PSD: variants seen among roughly 807,000 people sequenced by gnomAD.
PSD encodes pleckstrin and Sec7 domain containing, also known as PH and SEC7 domain-containing protein 1.
PSD carries 32 observed loss-of-function variants against 91.6 expected under a neutral mutation model. The ratio of observed to expected loss-of-function variants is 0.35; its 90% CI spans 0.26 to 0.47. The LOEUF is 0.47. Ranked by LOEUF, PSD falls within the 20% of genes least tolerant of loss-of-function variation. The probability of loss-of-function intolerance (pLI) is 1.00; values close to 1 mark genes in which losing one functional copy is unlikely to be tolerated. For synonymous variants in PSD, 532 were observed against 569.3 expected, an observed-to-expected ratio of 0.93 and a Z score of 0.93; for missense variants, 1,099 against 1,373.9, an observed-to-expected ratio of 0.80 and a Z score of 3.16.
intron 7 of PSD, 141 bp from the exon 8 acceptor site, chr10:102,411,960 C>T (rs2061429493): frequency 5.5e-6 from 5 of 909,294 alleles, no homozygotes; most frequent in Non-Finnish European, 9.0e-6. Flanking sequence ...CACCCTGACC[C>T]TCCACCCATC....
Position 102,405,326 on chromosome 10 carries a change from C to T in PSD, c.2326+20G>A, listed in dbSNP as rs775278828. The T allele has an allele frequency of 1.9e-6, 3 of 1,608,256 alleles. 1 individual carries two copies. The highest frequency in any genetic ancestry group is 3.3e-4 in the Middle Eastern group (2 of 6,056). ...CCATCCATCCCCTAGACGCCCGCCC[C>T]CCGCAACTCGGCCACATACTCTTCC... On this transcript the variant is annotated intron_variant, in intron 12 of 16. Coordinates refer to ENST00000020673, the MANE Select transcript of PSD (RefSeq NM_002779.5). The surrounding 1 kb of genome is among the most constrained non-coding windows in gnomAD (Gnocchi z 5.4).
chr10:102,413,661 AGG>A (rs2061445574), intron 5 of PSD, 106 bp downstream of exon 5: 2 of 1,171,618 alleles, frequency 1.7e-6, no homozygotes, highest in East Asian at 4.8e-5. Flanking sequence ...ACCCCTACTC[AGG>A]GGTCAGGAAT....
At chr10:102,411,154 A>AGGG in intron 8 of PSD, 38 bp from the exon 9 acceptor site, 1 of 1,567,324 alleles carries the variant, frequency 6.4e-7, no homozygotes, top group South Asian at 1.2e-5. Flanking sequence ...GCTGCCTCCC[A>AGGG]GGGACCCTTC....
chr10:102,415,049 G>C lies in PSD; in HGVS notation c.938C>G (p.Ser313Trp). The change falls in exon 4 of 17, where the codon TCG becomes TGG. Residue 313 changes from serine to tryptophan, a missense_variant. Physicochemically the swap from Ser to Trp is radical, Grantham distance 177 (BLOSUM62 -3). Around this residue, in one of 3 missense-constraint regions of PSD, gnomAD observed 631 missense variants for 728.8 expected, o/e 0.87. Coordinates refer to ENST00000020673, the MANE Select transcript of PSD (RefSeq NM_002779.5). ...AGAGCTGGGCTGACTTTCGATGGCC[G>C]AGTCGGCCTCCTCCCGCTCAGCCAG... Reference protein sequence around the residue: ...EVLAEREEADSAIESQPSSEG... With the variant: ...EVLAEREEADWAIESQPSSEG... 3 of 1,613,964 alleles carry C rather than the reference G, an allele frequency of 1.9e-6. No homozygotes were observed. Among genetic ancestry groups the C allele is most frequent in the Non-Finnish European group, 2.5e-6 (3 of 1,179,934 alleles).
chr10:102,410,415 G>A lies in PSD; in HGVS notation c.2091+443C>T, dbSNP rs1410104654. 6.6e-6 allele frequency among the ~76,000 whole-genome samples: 1 copy of A among 152,196 alleles called. No homozygotes were observed. The highest frequency in any genetic ancestry group is 6.5e-5 in the Admixed American group (1 of 15,278). On this transcript the variant is annotated intron_variant, in intron 10 of 16. Transcript: ENST00000020673. This position sits in a 1 kb window ranked among gnomAD's most constrained non-coding sequence, Gnocchi z 6.0. ...CCCTCTCAGGCCCCTCTCCCTCCGGGTTCCTGCAGCGCAGCAGCACCGGGA... is the reference window on the plus strand; with the variant it reads ...CCCTCTCAGGCCCCTCTCCCTCCGGATTCCTGCAGCGCAGCAGCACCGGGA...
chr10:102,418,089 A>G (rs201491263), intron 1 of PSD, among the ~76,000 whole-genome samples: 1 of 145,134 alleles, frequency 6.9e-6, no homozygotes, highest in Admixed American at 6.9e-5. Context: ...ACACACACAC[A>G]CGCACACACA....
chr10:102,404,488 C>T lies in PSD; in HGVS notation c.2700+95G>A, dbSNP rs2135448817. The T allele has an allele frequency of 1.4e-6, 2 of 1,452,320 alleles. No homozygotes were observed. The highest frequency in any genetic ancestry group is 2.7e-5 in the South Asian group (2 of 75,342). 90.0% of individuals were successfully genotyped at this position (1,452,320 alleles called of 1,614,324 possible). On this transcript the variant is annotated intron_variant, in intron 15 of 16. Coordinates refer to ENST00000020673, the MANE Select transcript of PSD (RefSeq NM_002779.5). The surrounding 1 kb of genome is among the most constrained non-coding windows in gnomAD (Gnocchi z 5.7). ...GTGGCCAGCATCCTGGTGCAGGGGACATCTCCACGATCACACGCAGCAGCC... is the reference window on the plus strand; with the variant it reads ...GTGGCCAGCATCCTGGTGCAGGGGATATCTCCACGATCACACGCAGCAGCC...
rs560104118 is a variant in PSD, at chr10:102,409,685, C to A, written c.2091+1173G>T. ...TATATAGATCTGAAGTCACGTAACA[C>A]ACCTCGATTCTGACATACACCCCAA... On this transcript the variant is annotated intron_variant, in intron 10 of 16. Transcript: ENST00000020673. The surrounding 1 kb of genome is among the most constrained non-coding windows in gnomAD (Gnocchi z 5.7). Among the ~76,000 whole-genome samples, 3 of 152,278 alleles carry A rather than the reference C, an allele frequency of 2.0e-5. No individual in the cohort carries two copies. Among genetic ancestry groups the A allele is most frequent in the East Asian group, 3.9e-4 (2 of 5,180 alleles).
intron 8 of PSD, among the ~76,000 whole-genome samples, 173 bp from the exon 9 acceptor site, chr10:102,411,289 A>AAGGACCTGTCCCTCTTCTC (rs139232314): frequency 3.4e-4 from 51 of 151,576 alleles, no homozygotes; most frequent in African/African-American, 1.2e-3. Flanking sequence ...ATCCGTCAGC[A>AAGGACCTGTCCCTCTTCTC]AGGACCCGTC....
rs372712423 is a variant in PSD, at chr10:102,410,042, T to C, written c.2091+816A>G. ...CACCATGGACGTTCCCTCTCAGATA[T>C]ACCCCAAACTCAGAAGCCCAGCACC... On this transcript the variant is annotated intron_variant, in intron 10 of 16. Coordinates refer to ENST00000020673, the MANE Select transcript of PSD (RefSeq NM_002779.5). The surrounding 1 kb of genome is among the most constrained non-coding windows in gnomAD (Gnocchi z 6.0). 5.3e-5 allele frequency among the ~76,000 whole-genome samples: 8 copies of C among 152,174 alleles called. No individual in the cohort carries two copies. The East Asian group carries it at 1.5e-3, about 29-fold the overall frequency.
rs1469117698 is a variant in PSD at position 102,405,202 on chromosome 10, A to G, written c.2378T>C (p.Met793Thr). The change falls in exon 13 of 17, where the codon ATG becomes ACG. Residue 793 changes from methionine to threonine, a missense_variant. By Grantham distance (81) the Met-to-Thr change is moderately conservative (BLOSUM62 -1). Transcript: ENST00000020673. This position sits in a 1 kb window ranked among gnomAD's most constrained non-coding sequence, Gnocchi z 5.4. Reference protein sequence around the residue: ...WKSFHGILKGMILYLQKEEYK... With the variant: ...WKSFHGILKGTILYLQKEEYK... ...CCGCACCTTCTGCAGGTAGAGGATC[A>G]TGCCCTTGAGGATCCCGTGGAAGCT... is the stretch of plus-strand genomic sequence containing the variant. 17 of 1,611,102 alleles carry G rather than the reference A, an allele frequency of 1.1e-5. No individual in the cohort carries two copies. Among genetic ancestry groups the G allele is most frequent in the Non-Finnish European group, 1.4e-5 (17 of 1,179,802 alleles).
Position 102,409,479 on chromosome 10 carries a change from C to T in PSD, c.2091+1379G>A, listed in dbSNP as rs2061403334. On this transcript the variant is annotated intron_variant, in intron 10 of 16. Coordinates refer to ENST00000020673, the MANE Select transcript of PSD (RefSeq NM_002779.5). This position sits in a 1 kb window ranked among gnomAD's most constrained non-coding sequence, Gnocchi z 5.7. Reference sequence around the variant, plus strand: ...CTAGGCCTGGGGCTGTGACGCTGGGCGGACCCGGCAGGGTCTGGAACTCCC... The same window carrying T: ...CTAGGCCTGGGGCTGTGACGCTGGGTGGACCCGGCAGGGTCTGGAACTCCC... Among the ~76,000 whole-genome samples, 1 of 152,034 alleles carries T rather than the reference C, an allele frequency of 6.6e-6. No homozygotes were observed. Among genetic ancestry groups the T allele is most frequent in the Non-Finnish European group, 1.5e-5 (1 of 67,994 alleles).
In PSD at chr10:102,403,856, A is replaced by AGGCCTCCCC; in HGVS notation, c.2829_2830insGGGGAGGCC (p.Ala943_Tyr944insGlyGluAla). On this transcript the variant is annotated inframe_insertion, in exon 16 of 17. Coordinates refer to ENST00000020673, the MANE Select transcript of PSD (RefSeq NM_002779.5). This position sits in a 1 kb window ranked among gnomAD's most constrained non-coding sequence, Gnocchi z 6.7. ...GGGAGGCTCACCTCAAACTCCAGGT[A>AGGCCTCCCC]GGCCTCCTTCTGCCGCTGCTCTTCA... 6.2e-7 allele frequency: 1 copy of AGGCCTCCCC among 1,611,778 alleles called. No individual in the cohort carries two copies. Among genetic ancestry groups the AGGCCTCCCC allele is most frequent in the Non-Finnish European group, 8.5e-7 (1 of 1,179,010 alleles).
intron 11 of PSD, among the ~76,000 whole-genome samples, chr10:102,406,696 A>C (rs1440264479): frequency 2.6e-5 from 4 of 151,766 alleles, no homozygotes; most frequent in Admixed American, 2.6e-4. Context: ...TTTAGTGGAG[A>C]CGGTTTCACC....
Position 102,415,086 on chromosome 10 carries a change from T to C in PSD, c.901A>G (p.Ile301Val). Residue 301 changes from isoleucine (I) to valine (V), a missense_variant, in exon 4 of 17, where the codon ATC (isoleucine) becomes GTC (valine). Around this residue, in one of 3 missense-constraint regions of PSD, gnomAD observed 631 missense variants for 728.8 expected, o/e 0.87. Transcript: ENST00000020673. ...VPLRCYRETD[I>V]DEVLAEREEA... The stretch of plus-strand genomic sequence containing the variant: ...TCCCGCTCAGCCAGCACCTCATCGA[T>C]GTCAGTCTCGCGGTAGCACCTCAGG... The C allele has an allele frequency of 6.2e-7, 1 of 1,614,056 alleles. No homozygotes were observed. Among genetic ancestry groups the C allele is most frequent in the Non-Finnish European group, 8.5e-7 (1 of 1,180,018 alleles).
rs2061290854 is a variant in PSD at position 102,402,626 on chromosome 10, C to T, written c.*574G>A. On this transcript the variant is annotated 3_prime_UTR_variant, in exon 17 of 17. Transcript: ENST00000020673. ...AAGGAGGAGGCCCAGCCAGCAAGTCCAGAGCAGTTTTAATGGGGGTGGAGG... is the reference window on the plus strand; with the variant it reads ...AAGGAGGAGGCCCAGCCAGCAAGTCTAGAGCAGTTTTAATGGGGGTGGAGG... 1.1e-5 allele frequency: 5 copies of T among 452,160 alleles called. No individual in the cohort carries two copies. The highest frequency in any genetic ancestry group is 2.0e-5 in the African/African-American group (1 of 50,010). 28.0% of individuals were successfully genotyped at this position (452,160 alleles called of 1,614,324 possible).
rs1031654345 is a variant in PSD, at chr10:102,409,257, G to A, written c.2091+1601C>T. 7.1e-6 allele frequency: 7 copies of A among 985,138 alleles called. No homozygotes were observed. The highest frequency in any genetic ancestry group is 8.4e-6 in the Non-Finnish European group (7 of 829,740). The allele number at this position is 985,138 out of a possible 1,614,324, so 61.0% of individuals were successfully genotyped here. A position where few individuals can be genotyped will look rare whatever the true frequency, so the allele number is the denominator to read the frequency against. ...ACGGACGCACGGAGTGCGCGGCGGCGGCGGCGGCGCTGTCTGCTCTGCGGC... is the reference window on the plus strand; with the variant it reads ...ACGGACGCACGGAGTGCGCGGCGGCAGCGGCGGCGCTGTCTGCTCTGCGGC... On this transcript the variant is annotated intron_variant, in intron 10 of 16. Transcript: ENST00000020673. The surrounding 1 kb of genome is among the most constrained non-coding windows in gnomAD (Gnocchi z 5.7).
In PSD at chr10:102,403,359, T is replaced by C. The variant is rs762655582; in HGVS notation, c.2916A>G (p.Ala972=). 7 of 1,614,006 alleles carry C rather than the reference T, an allele frequency of 4.3e-6. No individual in the cohort carries two copies. The highest frequency in any genetic ancestry group is 5.9e-6 in the Non-Finnish European group (7 of 1,179,996). ...CGGCCTGGGCCAGTGCTGCCTCCAC[T>C]GCATCCAGCTCCTCACTGCCTGCCT... ...KLKAGSEELD[A]VEAALAQAGS... is the part of the protein sequence containing the mutation. Residue 972 remains alanine, a synonymous_variant, in exon 17 of 17, where the codon GCA becomes GCG. Coordinates refer to ENST00000020673, the MANE Select transcript of PSD (RefSeq NM_002779.5). This position sits in a 1 kb window ranked among gnomAD's most constrained non-coding sequence, Gnocchi z 6.7.
rs1243063722 is a variant in PSD, at chr10:102,415,014, G to T, written c.973C>A (p.Pro325Thr). The T allele has an allele frequency of 6.2e-7, 1 of 1,611,474 alleles. No individual in the cohort carries two copies. The highest frequency in any genetic ancestry group is 8.5e-7 in the Non-Finnish European group (1 of 1,178,146). ...IESQPSSEGP[P>T]GTAYPPAPRP... ...GGGGCAGGTGGGTAGGCAGTGCCTG[G>T]TGGGCCCTCAGAGCTGGGCTGACTT... is the stretch of plus-strand genomic sequence containing the variant. The change falls in exon 4 of 17, where the codon CCA (proline) becomes ACA (threonine). Residue 325 changes from proline (P) to threonine (T), a missense_variant. Coordinates refer to ENST00000020673, the MANE Select transcript of PSD (RefSeq NM_002779.5).
Sources: allele counts gnomAD v4.1 joint callset (sites outside exome capture counted in the v4.1 genomes callset), GRCh38; gene constraint gnomAD v4.1.1; regional missense constraint gnomAD v4.1.1; non-coding constraint Gnocchi (gnomAD v3.1); transcripts MANE v1.5; gene names NCBI Gene and HGNC (gene_info 2026-07-23, HGNC 2026-07-21).